The following POLR1D variants were observed in gnomAD, a reference collection of about 807,000 sequenced individuals.
POLR1D encodes the protein RNA polymerase I and III subunit D.
A neutral mutation model predicts 10.8 loss-of-function variants in POLR1D; 8 were observed. The observed-to-expected ratio is 0.74, with a 90% CI of 0.43 to 1.33. POLR1D has a LOEUF of 1.33. Among genes scored for constraint, POLR1D ranks in the 40% most tolerant of loss-of-function variants. The pLI, the probability that POLR1D is intolerant of heterozygous loss-of-function variation, is 0.01. For missense variants in POLR1D, 152 were observed against 161.7 expected, an observed-to-expected ratio of 0.94 and a Z score of 0.32; for synonymous variants, 54 against 57.2, an observed-to-expected ratio of 0.94 and a Z score of 0.25.
At chr13:27,657,619 A>C (rs1435864594) in intron 2 of POLR1D, among the ~76,000 whole-genome samples, 1 of 152,174 alleles carries the variant, frequency 6.6e-6, no homozygotes, top group Non-Finnish European at 1.5e-5. Context: ...GATCGGTCCT[A>C]CAGGTTTTTT....
intron 1 of POLR1D, among the ~76,000 whole-genome samples, chr13:27,637,577 G>A (rs749545311): frequency 6.6e-5 from 10 of 152,030 alleles, no homozygotes; most frequent in East Asian, 3.9e-4. Flanking sequence ...ATGTTTAAGC[G>A]CTTAACTCTA....
At position 27,663,768 on chromosome 13, in the gene POLR1D, A is replaced by G. The variant is rs1956388435; in HGVS notation, c.102-1918A>G. ...GAGAAGAACTGGCCAGTTTACCACC[A>G]CTGAGATGGCCCACTTCAGTGAAAA... On this transcript the variant is annotated intron_variant, in intron 2 of 2. Transcript: ENST00000399697. This position sits in a 1 kb window ranked among gnomAD's most constrained non-coding sequence, Gnocchi z 4.1. 6.6e-6 allele frequency among the ~76,000 whole-genome samples: 1 copy of G among 152,172 alleles called. No individual in the cohort carries two copies. Among genetic ancestry groups the G allele is most frequent in the African/African-American group, 2.4e-5 (1 of 41,444 alleles).
chr13:27,637,210 G>T (rs1566146015), intron 1 of POLR1D, among the ~76,000 whole-genome samples: 1 of 152,130 alleles, frequency 6.6e-6, no homozygotes, highest in Non-Finnish European at 1.5e-5. Context: ...GTAAAGGTTG[G>T]ATTAATCGTA....
chr13:27,634,559 C>A (rs969257563), intron 1 of POLR1D, among the ~76,000 whole-genome samples: 2 of 151,934 alleles, frequency 1.3e-5, no homozygotes, highest in African/African-American at 4.8e-5. Context: ...TAGATAGTGT[C>A]TTTTCCCCTT....
chr13:27,633,269 C>T (rs1451672174), intron 1 of POLR1D, among the ~76,000 whole-genome samples: 2 of 152,184 alleles, frequency 1.3e-5, no homozygotes, highest in Non-Finnish European at 2.9e-5. Flanking sequence ...GGCTTTGTAT[C>T]TGCAAGGCCA....
chr13:27,622,446 A>G, intron 1 of POLR1D: 1 of 287,354 alleles, frequency 3.5e-6, no homozygotes, highest in Non-Finnish European at 6.6e-6. Context: ...TTCTCTTGCA[A>G]AATGGAAGCC....
rs778495401 is a variant in POLR1D, at chr13:27,621,941, C to T, written c.-43C>T. 1.3e-6 allele frequency: 2 copies of T among 1,574,590 alleles called. No individual in the cohort carries two copies. The highest frequency in any genetic ancestry group is 1.7e-6 in the Non-Finnish European group (2 of 1,158,826). On this transcript the variant is annotated 5_prime_UTR_variant, in exon 1 of 2. It introduces an in-frame stop codon into an upstream open reading frame of the 5' UTR. Transcript: ENST00000302979. ...GCCTCGCGCTATGGGACAGAGCCCCCGATCCGCCAGCACCACCTGAGGATC... is the reference window on the plus strand; with the variant it reads ...GCCTCGCGCTATGGGACAGAGCCCCTGATCCGCCAGCACCACCTGAGGATC...
chr13:27,642,650 A>G (rs541543800), intron 1 of POLR1D, among the ~76,000 whole-genome samples: 1 of 152,260 alleles, frequency 6.6e-6, no homozygotes, highest in Admixed American at 6.5e-5. Flanking sequence ...TTAACCATGT[A>G]TGTGCCAGGC....
intron 1 of POLR1D, 154 bp from the exon 2 acceptor site, chr13:27,622,721 A>C: frequency 4.8e-6 from 3 of 618,998 alleles, no homozygotes; most frequent in Non-Finnish European, 8.7e-6. Flanking sequence ...TTATTGATAG[A>C]GTTTGTGGAG....
intron 1 of POLR1D, among the ~76,000 whole-genome samples, chr13:27,636,721 G>C (rs1956127474): frequency 6.6e-6 from 1 of 152,106 alleles, no homozygotes; most frequent in Non-Finnish European, 1.5e-5. Context: ...TATGCTGTTT[G>C]GATAATCAGC....
chr13:27,635,203 A>G (rs1956111124), intron 1 of POLR1D, among the ~76,000 whole-genome samples: 1 of 152,230 alleles, frequency 6.6e-6, no homozygotes, highest in African/African-American at 2.4e-5. Context: ...GTTTACTGAC[A>G]ATACTTGGTT....
intron 2 of POLR1D, chr13:27,665,030 G>A (rs1956401915): frequency 6.6e-6 from 1 of 152,670 alleles, no homozygotes; most frequent in Non-Finnish European, 1.5e-5. Context: ...GCCTCTCCTA[G>A]GTAAACTTGA....
chr13:27,630,654 T>G (rs1484902961), intron 1 of POLR1D, among the ~76,000 whole-genome samples: 1 of 152,254 alleles, frequency 6.6e-6, no homozygotes, highest in Non-Finnish European at 1.5e-5. Context: ...AGGCTGATAG[T>G]AACACCTACT....
downstream of POLR1D, among the ~76,000 whole-genome samples, chr13:27,628,227 A>G (rs183897184): frequency 2.6e-5 from 4 of 152,332 alleles, no homozygotes; most frequent in African/African-American, 7.2e-5. Flanking sequence ...CCTGGCTCTT[A>G]CGGTCTGCAC....
chr13:27,666,020 G>C, exon 3 of POLR1D: 18 of 1,419,552 alleles, frequency 1.3e-5, no homozygotes, highest in Non-Finnish European at 1.7e-5. Flanking sequence ...GTGCGGAGAA[G>C]GCCTGAGCTG....
chr13:27,642,382 CCT>C (rs570716223), intron 1 of POLR1D, among the ~76,000 whole-genome samples: 19 of 152,204 alleles, frequency 1.2e-4, no homozygotes, highest in African/African-American at 4.6e-4. Context: ...CTGTTGTGCC[CCT>C]GTTTGTTTGG....
At chr13:27,625,865 G>A (rs1393771046), downstream of POLR1D, among the ~76,000 whole-genome samples, 3 of 152,266 alleles carry the variant, frequency 2.0e-5, no homozygotes, top group East Asian at 1.9e-4. Context: ...TGGAGTTAAC[G>A]TGGAGGTCAC....
chr13:27,657,508 G>A (rs985717001), intron 2 of POLR1D, among the ~76,000 whole-genome samples: 2 of 151,818 alleles, frequency 1.3e-5, no homozygotes, highest in Admixed American at 6.6e-5. Context: ...CCTGGGCGAC[G>A]GAGCAAGACT....
rs768585316 is a variant in POLR1D at position 27,623,256 on chromosome 13, T to C, written c.*6T>C. On this transcript the variant is annotated 3_prime_UTR_variant, in exon 2 of 2. Coordinates refer to ENST00000302979, the MANE Select transcript of POLR1D (RefSeq NM_015972.4). ...GAAATGAATCCACATTCTAGTCCTT[T>C]ATGCAGTATACAAGGAGAACTGTCC... 28 of 1,613,396 alleles carry C rather than the reference T, an allele frequency of 1.7e-5. No homozygotes were observed. The South Asian group carries it at 2.4e-4, about 14-fold the overall frequency.
Sources: gnomAD v4.1 joint callset for allele counts (sites outside exome capture counted in the v4.1 genomes callset) on GRCh38, gnomAD v4.1.1 for gene constraint, Gnocchi (gnomAD v3.1) non-coding constraint, MANE v1.5 for transcripts, NCBI Gene and HGNC (gene_info 2026-07-23, HGNC 2026-07-21) for gene names.